The following SYNE3 variants were observed in gnomAD, a reference collection of about 807,000 sequenced individuals.
The protein encoded by SYNE3 is spectrin repeat containing nuclear envelope family member 3.
SYNE3 carries 100 observed loss-of-function variants against 111.2 expected under a neutral mutation model. That is an observed-to-expected ratio of 0.90 (90% CI 0.77 to 1.06). The LOEUF is 1.06. SYNE3 is among the 50% of genes least tolerant of loss of function. The probability of loss-of-function intolerance (pLI) is 0.00; values close to 1 mark genes in which losing one functional copy is unlikely to be tolerated. For synonymous variants in SYNE3, 547 were observed against 533.9 expected (o/e 1.02, Z -0.34); for missense variants, 1,160 against 1,240.3 (o/e 0.94, Z 0.97).
intron 5 of SYNE3, chr14:95,455,950 A>G: frequency 1.9e-6 from 1 of 516,758 alleles, no homozygotes. Flanking sequence ...AAGCCATTTG[A>G]TTAAGTCAAG....
At chr14:95,448,828 T>A (rs563548237) in intron 8 of SYNE3, among the ~76,000 whole-genome samples, 181 of 152,344 alleles carry the variant, frequency 1.2e-3, no homozygotes, top group African/African-American at 4.1e-3. Context: ...CAACCCTGGT[T>A]ATTGGTTCTC....
intron 6 of SYNE3, among the ~76,000 whole-genome samples, chr14:95,453,245 T>C (rs1887201556): frequency 1.3e-5 from 2 of 152,118 alleles, no homozygotes; most frequent in South Asian, 4.1e-4. Flanking sequence ...CAGGGATGCA[T>C]TAGTCCCTCC....
chr14:95,467,556 C>CTA, intron 3 of SYNE3, among the ~76,000 whole-genome samples: 1 of 152,330 alleles, frequency 6.6e-6, no homozygotes, highest in South Asian at 2.1e-4. Context: ...GATGCACACA[C>CTA]GGTAAGTCTC....
rs2139314130 is a variant in SYNE3 at position 95,409,163 on chromosome 14, G to A, written c.*8663C>T. The A allele has an allele frequency of 2.2e-6, 1 of 456,714 alleles. No individual in the cohort carries two copies. Among genetic ancestry groups the A allele is most frequent in the South Asian group, 1.5e-5 (1 of 64,566 alleles). The allele number at this position is 456,714 out of a possible 1,614,324, so 28.3% of individuals were successfully genotyped here. On this transcript the variant is annotated 3_prime_UTR_variant, in exon 18 of 18. Transcript: ENST00000682763. ...GAACATTCCATAGAGTGGAGCACTG[G>A]GCTCGGAGCCAGTCATGCCTGGGTA...
At position 95,439,512 on chromosome 14, in the gene SYNE3, G is replaced by T. The variant is rs1324845620; in HGVS notation, c.2246+100C>A. 6.0e-6 allele frequency: 9 copies of T among 1,503,866 alleles called. No homozygotes were observed. The East Asian group carries it at 9.0e-5, about 15-fold the overall frequency. The allele number at this position is 1,503,866 out of a possible 1,614,324, so 93.2% of individuals were successfully genotyped here. ...TGCCCACGGCCCCTGGCTCCACACT[G>T]GGCAGCACCCTGGCCCTCTGCTCCA... On this transcript the variant is annotated intron_variant, in intron 13 of 17. Coordinates refer to ENST00000682763, the MANE Select transcript of SYNE3 (RefSeq NM_152592.6).
intron 2 of SYNE3, among the ~76,000 whole-genome samples, chr14:95,469,910 T>C (rs189738011): frequency 8.4e-4 from 128 of 152,130 alleles, no homozygotes; most frequent in Non-Finnish European, 1.3e-3. Flanking sequence ...ATGATGATAA[T>C]AGTATAGAAG....
chr14:95,467,794 C>T lies in SYNE3; in HGVS notation c.317+1G>A. ...GTGGACAAAGGCCCTGGATGCCCTA[C>T]CTGTGACAGTGAGTCATGTAGGTGA... On this transcript the variant is annotated splice_donor_variant, in intron 3 of 17. Coordinates refer to ENST00000682763, the MANE Select transcript of SYNE3 (RefSeq NM_152592.6). LOFTEE classifies it high-confidence loss of function. The T allele has an allele frequency of 6.2e-7, 1 of 1,614,146 alleles. No homozygotes were observed. The highest frequency in any genetic ancestry group is 8.5e-7 in the Non-Finnish European group (1 of 1,180,022).
At chr14:95,461,445 T>C (rs1595219113) in intron 4 of SYNE3, among the ~76,000 whole-genome samples, 2 of 152,322 alleles carry the variant, frequency 1.3e-5, no homozygotes, top group South Asian at 4.1e-4. Context: ...CAATGTGCCA[T>C]TGCTCCCCTC....
intron 11 of SYNE3, among the ~76,000 whole-genome samples, chr14:95,442,080 C>A (rs534817022): frequency 1.1e-3 from 169 of 152,360 alleles, no homozygotes; most frequent in African/African-American, 3.8e-3. Flanking sequence ...GCAGTTTTAA[C>A]AAACATACTG....
chr14:95,427,588 CCT>C (rs1305035413), intron 17 of SYNE3, among the ~76,000 whole-genome samples: 1 of 150,442 alleles, frequency 6.6e-6, no homozygotes, highest in African/African-American at 2.5e-5. Context: ...CCTCTCTCTC[CCT>C]CTCTCTCTCT....
At chr14:95,447,211 G>T (rs1595200606) in intron 8 of SYNE3, among the ~76,000 whole-genome samples, 1 of 148,286 alleles carries the variant, frequency 6.7e-6, no homozygotes, top group Non-Finnish European at 1.5e-5. Context: ...TCAGCTCACT[G>T]CAAGCTTCAC....
chr14:95,446,159 C>A, intron 8 of SYNE3, 68 bp from the exon 9 acceptor site: 1 of 1,565,228 alleles, frequency 6.4e-7, no homozygotes, highest in South Asian at 1.2e-5. Flanking sequence ...GAGCCAGGGG[C>A]ACAACTGTTC....
intron 1 of SYNE3, among the ~76,000 whole-genome samples, chr14:95,481,746 G>A (rs1262196221): frequency 2.0e-5 from 3 of 152,354 alleles, no homozygotes; most frequent in African/African-American, 4.8e-5. Context: ...TGCCCCTGTG[G>A]TCCATCGGGT....
intron 1 of SYNE3, among the ~76,000 whole-genome samples, chr14:95,477,158 A>G (rs1164897751): frequency 6.6e-6 from 1 of 152,238 alleles, no homozygotes; most frequent in Non-Finnish European, 1.5e-5. Context: ...GAACTTTGGG[A>G]GGCTTAGGCA....
In SYNE3 at chr14:95,473,695, G is replaced by GCTGGAGCTAAGGCTGT. The variant is rs1888681928; in HGVS notation, c.144+1982_144+1983insACAGCCTTAGCTCCAG. The stretch of plus-strand genomic sequence containing the variant: ...GTGACAGTGGCTGGAGCTAAGGCTG[G>GCTGGAGCTAAGGCTGT]TGTGAGCTTGCGAGGTGTGACAGTG... On this transcript the variant is annotated intron_variant, in intron 2 of 17. Coordinates refer to ENST00000682763, the MANE Select transcript of SYNE3 (RefSeq NM_152592.6). 1.0e-4 allele frequency among the ~76,000 whole-genome samples: 5 copies of GCTGGAGCTAAGGCTGT among 48,200 alleles called. 1 individual carries two copies. Among genetic ancestry groups the GCTGGAGCTAAGGCTGT allele is most frequent in the Non-Finnish European group, 1.7e-4 (4 of 23,550 alleles). The allele number at this position is 48,200 out of a possible 152,430, so 31.6% of individuals were successfully genotyped here.
chr14:95,507,936 T>C (rs1007500716), intron 1 of SYNE3, among the ~76,000 whole-genome samples: 1 of 152,214 alleles, frequency 6.6e-6, no homozygotes, highest in African/African-American at 2.4e-5. Flanking sequence ...TCCTAGCCCA[T>C]GTGACACTGG....
At chr14:95,440,996 G>A (rs1595193466) in intron 11 of SYNE3, among the ~76,000 whole-genome samples, 1 of 152,224 alleles carries the variant, frequency 6.6e-6, no homozygotes, top group Non-Finnish European at 1.5e-5. Flanking sequence ...CAGGAAAGGT[G>A]GACACTGTCC....
intron 1 of SYNE3, among the ~76,000 whole-genome samples, chr14:95,510,620 T>C (rs974101191): frequency 6.6e-6 from 1 of 152,112 alleles, no homozygotes; most frequent in Admixed American, 6.5e-5. Flanking sequence ...AAACCCCATC[T>C]CTACTAAAAA....
intron 1 of SYNE3, among the ~76,000 whole-genome samples, chr14:95,491,266 C>A (rs773673651): frequency 3.2e-4 from 48 of 152,012 alleles, no homozygotes; most frequent in Non-Finnish European, 6.5e-4. Context: ...TCTAGCTGTG[C>A]CGTTTTATGG....
Sources: gnomAD v4.1 joint callset for allele counts (sites outside exome capture counted in the v4.1 genomes callset) on GRCh38, gnomAD v4.1.1 for gene constraint, MANE v1.5 for transcripts, NCBI Gene and HGNC (gene_info 2026-07-23, HGNC 2026-07-21) for gene names.